The following TEX36 variants were observed in gnomAD, a reference collection of about 807,000 sequenced individuals.
The protein encoded by TEX36 is testis expressed 36.
TEX36 carries 12 observed loss-of-function variants against 13.6 expected under a neutral mutation model. The observed-to-expected ratio is 0.88, with a 90% CI of 0.56 to 1.43. The LOEUF is 1.43. Among genes scored for constraint, TEX36 ranks in the 40% most tolerant of loss-of-function variants. The pLI is 0.00. For synonymous variants in TEX36, 93 were observed against 83.0 expected, an observed-to-expected ratio of 1.12 and a Z score of -0.65; for missense variants, 224 against 228.3, an observed-to-expected ratio of 0.98 and a Z score of 0.12.
chr10:125,621,754 C>T (rs1040028922), intron 3 of TEX36: 3 of 428,424 alleles, frequency 7.0e-6, no homozygotes, highest in African/African-American at 4.1e-5. Flanking sequence ...AAGAGCCCCC[C>T]AGAAGCCACT....
At chr10:125,647,657 C>T (rs1846791419) in intron 3 of TEX36, among the ~76,000 whole-genome samples, 1 of 152,218 alleles carries the variant, frequency 6.6e-6, no homozygotes, top group Admixed American at 6.5e-5. Flanking sequence ...GGGTTCATCT[C>T]ACTGGGGCTT....
chr10:125,626,604 T>C (rs1846493463), intron 3 of TEX36, among the ~76,000 whole-genome samples: 1 of 152,052 alleles, frequency 6.6e-6, no homozygotes, highest in African/African-American at 2.4e-5. Flanking sequence ...AAGGCTGATG[T>C]CAAACCAGAG....
At chr10:125,649,521 C>A (rs1846820724) in intron 3 of TEX36, among the ~76,000 whole-genome samples, 1 of 152,306 alleles carries the variant, frequency 6.6e-6, no homozygotes, top group Non-Finnish European at 1.5e-5. Flanking sequence ...TGGAAAGGAA[C>A]AACTGGCACC....
chr10:125,614,398 G>A (rs1182018811), intron 3 of TEX36, among the ~76,000 whole-genome samples: 1 of 151,840 alleles, frequency 6.6e-6, no homozygotes, highest in Non-Finnish European at 1.5e-5. Flanking sequence ...TTTCTTCTAG[G>A]GTTTTTATGG....
downstream of TEX36, chr10:125,621,518 C>T: frequency 2.3e-6 from 1 of 429,922 alleles, no homozygotes; most frequent in Non-Finnish European, 4.7e-6. Context: ...GCCTTTTCCA[C>T]TTATATTAGT....
At chr10:125,588,060 T>C (rs1265727978) in intron 3 of TEX36, among the ~76,000 whole-genome samples, 1 of 152,240 alleles carries the variant, frequency 6.6e-6, no homozygotes, top group Non-Finnish European at 1.5e-5. Context: ...TCTAATCTTT[T>C]GCTATTTCAA....
intron 3 of TEX36, among the ~76,000 whole-genome samples, chr10:125,644,568 C>T (rs534394483): frequency 1.8e-4 from 27 of 152,132 alleles, no homozygotes; most frequent in Non-Finnish European, 3.2e-4. Flanking sequence ...TACACGCACA[C>T]GTAAAACTGT....
At chr10:125,680,215 C>T (rs1259623954) in intron 1 of TEX36, among the ~76,000 whole-genome samples, 2 of 152,142 alleles carry the variant, frequency 1.3e-5, no homozygotes, top group Non-Finnish European at 2.9e-5. Flanking sequence ...ACTGAGTCAA[C>T]ACTTCCCTCT....
rs527387641 is a variant in TEX36, at chr10:125,678,940, T to C, written c.51+3999A>G. Among the ~76,000 whole-genome samples, 13 of 151,900 alleles carry C rather than the reference T, an allele frequency of 8.6e-5. No homozygotes were observed. In the South Asian group the frequency reaches 2.7e-3, roughly 32 times the overall value. ...GAGCAGGAGCAGGCCCCAGGTGGAG[T>C]GCTCAGCTGAGAGGTGGTAGCAGCT... On this transcript the variant is annotated intron_variant, in intron 1 of 3. Coordinates refer to ENST00000368821, the MANE Select transcript of TEX36 (RefSeq NM_001128202.3).
At chr10:125,652,336 A>G (rs1565184608), downstream of TEX36, among the ~76,000 whole-genome samples, 2 of 152,214 alleles carry the variant, frequency 1.3e-5, no homozygotes, top group African/African-American at 2.4e-5. Context: ...AATACCACAC[A>G]TCTACAACCA....
At chr10:125,667,037 G>A (rs549844425) in intron 1 of TEX36, 22 of 1,483,722 alleles carry the variant, frequency 1.5e-5, no homozygotes, top group Non-Finnish European at 2.0e-5. Context: ...GGCCTTCAGG[G>A]CAGAGGCCTG....
intron 3 of TEX36, among the ~76,000 whole-genome samples, chr10:125,632,900 G>C (rs1005911213): frequency 6.6e-6 from 1 of 152,280 alleles, no homozygotes; most frequent in East Asian, 1.9e-4. Flanking sequence ...AAGGCAGGTG[G>C]ATCATTTGAG....
At chr10:125,665,308 A>G (rs72631146) in intron 1 of TEX36, among the ~76,000 whole-genome samples, 11,292 of 151,976 alleles carry the variant, frequency 0.074, 1,075 homozygotes, top group African/African-American at 0.22. Context: ...CTTAGTCATA[A>G]ATTTTTTGTC....
At chr10:125,672,659 A>C (rs945924434) in intron 1 of TEX36, among the ~76,000 whole-genome samples, 7 of 152,180 alleles carry the variant, frequency 4.6e-5, no homozygotes, top group Non-Finnish European at 1.0e-4. Context: ...CTTGATCCAG[A>C]GCTGAGTTTG....
intron 3 of TEX36, among the ~76,000 whole-genome samples, chr10:125,604,128 A>C (rs1056655155): frequency 5.3e-5 from 8 of 152,212 alleles, no homozygotes; most frequent in Non-Finnish European, 1.0e-4. Flanking sequence ...AAATGTGACC[A>C]GAGCCAGGAG....
At chr10:125,649,085 G>A (rs1274356586) in intron 3 of TEX36, among the ~76,000 whole-genome samples, 2 of 152,160 alleles carry the variant, frequency 1.3e-5, no homozygotes, top group South Asian at 4.1e-4. Flanking sequence ...ACCTCTTCAG[G>A]ATATTATCCA....
chr10:125,603,977 T>A (rs1846181901), intron 3 of TEX36, among the ~76,000 whole-genome samples: 1 of 152,152 alleles, frequency 6.6e-6, no homozygotes, highest in Admixed American at 6.5e-5. Flanking sequence ...AGGGGCCCAT[T>A]CCGGTTCAGT....
intron 3 of TEX36, among the ~76,000 whole-genome samples, chr10:125,656,546 C>T (rs1478057881): frequency 2.6e-5 from 4 of 152,112 alleles, no homozygotes; most frequent in African/African-American, 9.7e-5. Context: ...GCATGAGCCA[C>T]CGTGCCCAGC....
At chr10:125,676,436 C>G (rs577635319) in intron 1 of TEX36, among the ~76,000 whole-genome samples, 1 of 152,100 alleles carries the variant, frequency 6.6e-6, no homozygotes, top group African/African-American at 2.4e-5. Flanking sequence ...CTGTTGTGCA[C>G]TTTTGTTTTC....
Sources: allele counts gnomAD v4.1 joint callset (sites outside exome capture counted in the v4.1 genomes callset), GRCh38; gene constraint gnomAD v4.1.1; transcripts MANE v1.5; gene names NCBI Gene and HGNC (gene_info 2026-07-23, HGNC 2026-07-21).